The following ROBO2 variants were observed in gnomAD, a reference collection of about 807,000 sequenced individuals.
ROBO2 encodes roundabout guidance receptor 2.
In ROBO2, 53 loss-of-function variants were observed where a neutral mutation model predicts 160.8. The ratio of observed to expected loss-of-function variants is 0.33; its 90% confidence interval spans 0.26 to 0.41. ROBO2 has a LOEUF of 0.41. ROBO2 is among the 10% of genes least tolerant of loss of function. The pLI is 1.00. For missense variants in ROBO2, 1,577 were observed against 1,722.4 expected, an observed-to-expected ratio of 0.92 and a Z score of 1.49; for synonymous variants, 664 against 611.7, an observed-to-expected ratio of 1.09 and a Z score of -1.26.
chr3:77,062,775 C>CA (rs1224860320), intron 1 of ROBO2, among the ~76,000 whole-genome samples: 19 of 151,802 alleles, frequency 1.3e-4, no homozygotes, highest in South Asian at 6.2e-4. Context: ...GCAAGACACA[C>CA]AAAAAAAATG....
chr3:76,363,043 T>A (rs957289572), intron 2 of ROBO2, among the ~76,000 whole-genome samples: 1 of 152,106 alleles, frequency 6.6e-6, no homozygotes, highest in African/African-American at 2.4e-5. Flanking sequence ...CTAAATGATA[T>A]CCTTGACCTT....
chr3:76,751,889 C>T (rs2108243139), intron 2 of ROBO2, among the ~76,000 whole-genome samples: 1 of 152,202 alleles, frequency 6.6e-6, no homozygotes, highest in South Asian at 2.1e-4. Context: ...TGTGGCGATT[C>T]CTCAAGGATC....
At chr3:76,587,551 C>T (rs761140234) in intron 2 of ROBO2, among the ~76,000 whole-genome samples, 54 of 152,044 alleles carry the variant, frequency 3.6e-4, no homozygotes, top group Non-Finnish European at 6.9e-4. Flanking sequence ...AGTCAGATCT[C>T]CTGAGAACTC....
At chr3:76,837,630 T>G (rs569620413) in intron 2 of ROBO2, among the ~76,000 whole-genome samples, 12 of 152,010 alleles carry the variant, frequency 7.9e-5, no homozygotes, top group African/African-American at 2.6e-4. Flanking sequence ...TTTGGCATCC[T>G]CTATTTATAT....
chr3:76,676,219 T>C (rs1036422904), intron 2 of ROBO2, among the ~76,000 whole-genome samples: 6 of 151,842 alleles, frequency 4.0e-5, no homozygotes, highest in Admixed American at 2.6e-4. Context: ...GGTGATTAGA[T>C]TATGGAGGCG....
chr3:77,222,472 C>CT (rs1023003866), intron 2 of ROBO2, among the ~76,000 whole-genome samples: 9 of 151,758 alleles, frequency 5.9e-5, no homozygotes, highest in South Asian at 4.2e-4. Flanking sequence ...TTTCAGAAGA[C>CT]TTTTTTTTAA....
chr3:76,833,240 C>T (rs138515039), intron 2 of ROBO2, among the ~76,000 whole-genome samples: 7 of 152,166 alleles, frequency 4.6e-5, no homozygotes, highest in Middle Eastern at 3.4e-3. Context: ...ATATAGTCCG[C>T]GGACAGTAAA....
intron 2 of ROBO2, among the ~76,000 whole-genome samples, chr3:75,981,282 T>G (rs962826298): frequency 6.6e-6 from 1 of 151,500 alleles, no homozygotes; most frequent in African/African-American, 2.4e-5. Flanking sequence ...ACTAATTATT[T>G]AACTATTCAG....
chr3:76,310,048 C>T (rs1026504164), intron 2 of ROBO2, among the ~76,000 whole-genome samples: 8 of 151,930 alleles, frequency 5.3e-5, no homozygotes, highest in Non-Finnish European at 1.2e-4. Context: ...TATGAAACTC[C>T]TGGGTTCAAG....
intron 16 of ROBO2, among the ~76,000 whole-genome samples, chr3:77,587,984 T>A (rs1011840483): frequency 2.6e-5 from 4 of 152,118 alleles, no homozygotes; most frequent in African/African-American, 9.6e-5. Context: ...GAGGCCTAAA[T>A]TTTCCAAACA....
chr3:76,882,967 G>A (rs73127300), intron 2 of ROBO2, among the ~76,000 whole-genome samples: 8,499 of 152,120 alleles, frequency 0.056, 299 homozygotes, highest in South Asian at 0.14. Context: ...GTGTATGTTA[G>A]CGTTACTTGT....
chr3:76,764,665 C>G (rs550658649), intron 2 of ROBO2, among the ~76,000 whole-genome samples: 30 of 151,708 alleles, frequency 2.0e-4, no homozygotes, highest in South Asian at 6.2e-4. Context: ...CAAATGCTTT[C>G]AGAATGACAT....
At position 76,835,774 on chromosome 3, in the gene ROBO2, A is replaced by C. The variant is rs140231307; in HGVS notation, c.110-262240A>C. 7.5e-4 allele frequency among the ~76,000 whole-genome samples: 114 copies of C among 152,130 alleles called. 1 individual carries two copies. In the East Asian group the frequency reaches 0.019, roughly 25 times the overall value. ...TTGTGATTCCTACTTTTATTCATTT[A>C]AACTGGTTTCTGAAAATTTATGGTT... On this transcript the variant is annotated intron_variant, in intron 2 of 26. Coordinates refer to the ROBO2 transcript ENST00000487694.
At chr3:75,919,411 T>A (rs1447860749) in intron 1 of ROBO2, among the ~76,000 whole-genome samples, 1 of 152,136 alleles carries the variant, frequency 6.6e-6, no homozygotes, top group Non-Finnish European at 1.5e-5. Context: ...TGGATAAGCT[T>A]TTTGATGTGC....
At chr3:76,558,105 A>T (rs1010273190) in intron 2 of ROBO2, among the ~76,000 whole-genome samples, 1 of 152,072 alleles carries the variant, frequency 6.6e-6, no homozygotes, top group Non-Finnish European at 1.5e-5. Context: ...CCAGCTAGGA[A>T]TATCAACTCT....
At chr3:76,567,605 CTA>C (rs1429099221) in intron 2 of ROBO2, among the ~76,000 whole-genome samples, 1 of 87,060 alleles carries the variant, frequency 1.1e-5, no homozygotes, top group African/African-American at 3.8e-5. Context: ...TATATTTATG[CTA>C]TACCAAACTA....
chr3:76,334,147 AATAT>A (rs540717384), intron 2 of ROBO2, among the ~76,000 whole-genome samples: 4 of 152,078 alleles, frequency 2.6e-5, no homozygotes, highest in African/African-American at 9.7e-5. Context: ...ATAATAAAAA[AATAT>A]ATATATATAC....
At position 77,209,106 on chromosome 3, in the gene ROBO2, A is replaced by C. The variant is rs530962146; in HGVS notation, c.388+110766A>C. On this transcript the variant is annotated intron_variant, in intron 2 of 25. Coordinates refer to ENST00000461745, the Ensembl canonical transcript of ROBO2. ...AAAGTAAATAAAGATTTTTGTACAG[A>C]TATTCATCTATTATCTATTAAAAAC... Among the ~76,000 whole-genome samples, 299 of 152,310 alleles carry C rather than the reference A, an allele frequency of 2.0e-3. 1 individual carries two copies. Among genetic ancestry groups the C allele is most frequent in the African/African-American group, 7.0e-3 (293 of 41,566 alleles).
At chr3:76,599,544 T>C (rs912245038) in intron 2 of ROBO2, among the ~76,000 whole-genome samples, 1 of 152,240 alleles carries the variant, frequency 6.6e-6, no homozygotes, top group Non-Finnish European at 1.5e-5. Context: ...GAAAGACTTA[T>C]ATTCCTTTGG....
Sources: gnomAD v4.1 joint callset for allele counts (sites outside exome capture counted in the v4.1 genomes callset) on GRCh38, gnomAD v4.1.1 for gene constraint, MANE v1.5 for transcripts, NCBI Gene and HGNC (gene_info 2026-07-23, HGNC 2026-07-21) for gene names.